MALRD1: variants seen among roughly 807,000 people sequenced by gnomAD.
MALRD1 encodes the protein MAM and LDL receptor class A domain containing 1.
In MALRD1, 247 loss-of-function variants were observed where a neutral mutation model predicts 242.1. The ratio of observed to expected loss-of-function variants is 1.02; its 90% confidence interval spans 0.92 to 1.13. MALRD1 has a LOEUF of 1.13. Ranked by LOEUF, MALRD1 falls within the 50% of genes most tolerant of loss-of-function variation. The pLI is 0.00. For synonymous variants in MALRD1, 995 were observed against 866.6 expected (o/e 1.15, Z -2.60); for missense variants, 2,989 against 2,533.1 (o/e 1.18, Z -3.86).
chr10:19,480,214 G>A (rs908525769), intron 29 of MALRD1, among the ~76,000 whole-genome samples: 1 of 152,208 alleles, frequency 6.6e-6, no homozygotes, highest in Non-Finnish European at 1.5e-5. Flanking sequence ...AGAAGCTAGT[G>A]TGTGAATTTT....
chr10:19,675,589 C>T (rs1050829926), intron 36 of MALRD1, among the ~76,000 whole-genome samples: 26 of 152,302 alleles, frequency 1.7e-4, no homozygotes, highest in African/African-American at 6.0e-4. Context: ...TTTTAACAAA[C>T]TTTCCAGATG....
chr10:19,593,768 C>T (rs1011629701), intron 33 of MALRD1, among the ~76,000 whole-genome samples: 3 of 152,152 alleles, frequency 2.0e-5, no homozygotes, highest in Non-Finnish European at 4.4e-5. Flanking sequence ...GCTGCAGAAA[C>T]GTTTCATGTA....
intron 29 of MALRD1, among the ~76,000 whole-genome samples, chr10:19,470,946 TAGTC>T (rs1836459420): frequency 6.6e-6 from 1 of 151,968 alleles, no homozygotes; most frequent in Admixed American, 6.6e-5. Context: ...CAGTTTGATG[TAGTC>T]TTACTTGTTT....
intron 32 of MALRD1, among the ~76,000 whole-genome samples, chr10:19,557,951 C>T (rs1714527778): frequency 6.6e-6 from 1 of 151,868 alleles, no homozygotes; most frequent in African/African-American, 2.4e-5. Flanking sequence ...TTGTAGTGTT[C>T]TTCATAGATA....
At chr10:19,204,275 T>A (rs1588693708) in intron 15 of MALRD1, 33 bp from the exon 16 acceptor site, 2 of 1,267,338 alleles carry the variant, frequency 1.6e-6, no homozygotes, top group East Asian at 2.6e-5. Context: ...AATAGGTTAA[T>A]GAAGCGTTTT....
At chr10:19,047,307 G>T (rs560954293), upstream of MALRD1, among the ~76,000 whole-genome samples, 1 of 151,870 alleles carries the variant, frequency 6.6e-6, no homozygotes, top group African/African-American at 2.4e-5. Flanking sequence ...TGGCGGTGGG[G>T]GAAAGGAAAA....
intron 19 of MALRD1, among the ~76,000 whole-genome samples, chr10:19,262,655 CAA>C (rs34247984): frequency 0.2 from 19,769 of 97,232 alleles, 1,345 homozygotes; most frequent in Admixed American, 0.34. Flanking sequence ...GAGTCTGTCT[CAA>C]AAAAAAAAAA....
At chr10:19,309,690 T>A (rs1381123006) in intron 21 of MALRD1, among the ~76,000 whole-genome samples, 1 of 151,484 alleles carries the variant, frequency 6.6e-6, no homozygotes, top group Non-Finnish European at 1.5e-5. Context: ...AGTTGACAGA[T>A]TTTGTAAAAA....
chr10:19,096,814 CAAAT>C (rs1313184749), intron 4 of MALRD1, among the ~76,000 whole-genome samples: 3 of 152,074 alleles, frequency 2.0e-5, no homozygotes, highest in Non-Finnish European at 4.4e-5. Flanking sequence ...TAAAAATGTC[CAAAT>C]AGGCGATTTC....
chr10:19,670,407 T>A lies in MALRD1; in HGVS notation c.6138-21875T>A, dbSNP rs115737115. On this transcript the variant is annotated intron_variant, in intron 36 of 39. Coordinates refer to ENST00000454679, the MANE Select transcript of MALRD1 (RefSeq NM_001142308.3). The stretch of plus-strand genomic sequence containing the variant: ...TTGCCTCCAACACTCGGAAACCCAT[T>A]CCTCCTTCTCTTCCCAAGAATTTTC... Among the ~76,000 whole-genome samples, 678 of 152,238 alleles carry A rather than the reference T, an allele frequency of 4.5e-3. 6 individuals carry two copies. The highest frequency in any genetic ancestry group is 0.015 in the African/African-American group (620 of 41,560).
intron 5 of MALRD1, among the ~76,000 whole-genome samples, chr10:19,104,907 T>A (rs962442769): frequency 6.6e-6 from 1 of 152,106 alleles, no homozygotes; most frequent in Non-Finnish European, 1.5e-5. Flanking sequence ...AATTGACACA[T>A]AATTGTATAT....
At chr10:19,106,572 T>A (rs986150667) in intron 5 of MALRD1, among the ~76,000 whole-genome samples, 1 of 151,896 alleles carries the variant, frequency 6.6e-6, no homozygotes, top group Non-Finnish European at 1.5e-5. Context: ...TTATCTTTTT[T>A]AAAAAAACAA....
rs1331543582 is a variant in MALRD1, at chr10:19,674,619, A to G, written c.6138-17663A>G. ...TTCAAGTGATAAAGAGAAAACATGA[A>G]TAAGATCTTACTGGAAATAAGAGGC... On this transcript the variant is annotated intron_variant, in intron 36 of 39. Coordinates refer to ENST00000454679, the MANE Select transcript of MALRD1 (RefSeq NM_001142308.3). Among the ~76,000 whole-genome samples the G allele has an allele frequency of 6.6e-5, 10 of 152,318 alleles. No individual in the cohort carries two copies. The East Asian group carries it at 1.7e-3, about 26-fold the overall frequency.
intron 2 of MALRD1, among the ~76,000 whole-genome samples, chr10:19,071,938 A>C (rs575481945): frequency 5.3e-5 from 8 of 152,180 alleles, no homozygotes; most frequent in South Asian, 4.1e-4. Flanking sequence ...ATTGCTCCGC[A>C]TGCTCTTCCA....
At chr10:19,331,644 CTG>C in intron 24 of MALRD1, 62 bp downstream of exon 24, 1 of 1,330,880 alleles carries the variant, frequency 7.5e-7, no homozygotes, top group South Asian at 1.3e-5. Context: ...TACTCAATAT[CTG>C]TGTTTATTGT....
rs550510613 is a variant in MALRD1 at position 19,177,091 on chromosome 10, A to C, written c.1951+1763A>C. On this transcript the variant is annotated intron_variant, in intron 14 of 39. Coordinates refer to ENST00000454679, the MANE Select transcript of MALRD1 (RefSeq NM_001142308.3). ...CAGGAGTTCAAGACCTGCCTGGCCA[A>C]CATGGTGAAACCCCATCTCTACTAA... 3.3e-5 allele frequency among the ~76,000 whole-genome samples: 5 copies of C among 152,092 alleles called. No homozygotes were observed. In the South Asian group the frequency reaches 1.0e-3, roughly 32 times the overall value.
intron 13 of MALRD1, among the ~76,000 whole-genome samples, chr10:19,174,897 A>C (rs929622357): frequency 2.6e-5 from 4 of 152,130 alleles, no homozygotes; most frequent in Admixed American, 2.6e-4. Context: ...ACAGTTGATT[A>C]CCCCAAAGAG....
At chr10:19,331,311 T>C in intron 23 of MALRD1, 58 bp from the exon 24 acceptor site, 3 of 1,328,416 alleles carry the variant, frequency 2.3e-6, no homozygotes, top group Non-Finnish European at 3.2e-6. Flanking sequence ...ACTTAGTGTT[T>C]GCCCAGGTTT....
chr10:19,478,099 A>G (rs558690749), intron 29 of MALRD1, among the ~76,000 whole-genome samples: 1 of 152,336 alleles, frequency 6.6e-6, no homozygotes, highest in South Asian at 2.1e-4. Flanking sequence ...AAATCTTACC[A>G]AGGACTCTCT....
Sources: gnomAD v4.1 joint callset for allele counts (sites outside exome capture counted in the v4.1 genomes callset) on GRCh38, gnomAD v4.1.1 for gene constraint, MANE v1.5 for transcripts, NCBI Gene and HGNC (gene_info 2026-07-23, HGNC 2026-07-21) for gene names.